Variants in USP34 observed in about 807,000 individuals in gnomAD.
The protein encoded by USP34 is ubiquitin carboxyl-terminal hydrolase 34.
Under a neutral mutation model 460.3 loss-of-function variants are expected in USP34, and 70 were observed. The ratio of observed to expected loss-of-function variants is 0.15; its 90% CI spans 0.13 to 0.19. The LOEUF (loss-of-function observed/expected upper bound fraction) is 0.19. Among genes scored for constraint, USP34 ranks in the 10% least tolerant of loss-of-function variants. The probability of loss-of-function intolerance (pLI) is 1.00; values close to 1 mark genes in which losing one functional copy is unlikely to be tolerated. For missense variants in USP34, 3,985 were observed against 4,236.2 expected, an observed-to-expected ratio of 0.94 and a Z score of 1.65; for synonymous variants, 1,647 against 1,405.3, an observed-to-expected ratio of 1.17 and a Z score of -3.85.
At chr2:61,273,236 C>A (rs1468763547) in intron 41 of USP34, among the ~76,000 whole-genome samples, 2 of 152,118 alleles carry the variant, frequency 1.3e-5, no homozygotes, top group African/African-American at 4.8e-5. Flanking sequence ...ATAAATACAA[C>A]AAATCATACT....
chr2:61,243,314 T>C (rs1558486864), intron 51 of USP34, among the ~76,000 whole-genome samples: 1 of 151,994 alleles, frequency 6.6e-6, no homozygotes, highest in African/African-American at 2.4e-5. Context: ...GCCCGGCTAA[T>C]TTTTACATTT....
chr2:61,350,452 C>T lies in USP34; in HGVS notation c.1378-63G>A, dbSNP rs1558543772. On this transcript the variant is annotated intron_variant, in intron 11 of 79. Coordinates refer to ENST00000398571, the MANE Select transcript of USP34 (RefSeq NM_014709.4). ...CAGGCAACACTAACAAATTTAATAT[C>T]CTTTTTGTCAAACTGAAATGCCAAG... 3.8e-6 allele frequency: 6 copies of T among 1,571,258 alleles called. No homozygotes were observed. In the Admixed American group the frequency reaches 7.7e-5, roughly 20 times the overall value.
Position 61,360,293 on chromosome 2 carries a change from C to T in USP34, c.1252-9600G>A, listed in dbSNP as rs567078028. ...AAATGATCATATATATGTAGAAAAACCTTACAACTCCACAACAACAGAAAA... is the reference window on the plus strand; with the variant it reads ...AAATGATCATATATATGTAGAAAAATCTTACAACTCCACAACAACAGAAAA... On this transcript the variant is annotated intron_variant, in intron 10 of 79. Coordinates refer to ENST00000398571, the MANE Select transcript of USP34 (RefSeq NM_014709.4). Among the ~76,000 whole-genome samples the T allele has an allele frequency of 2.6e-5, 4 of 152,008 alleles. No individual in the cohort carries two copies. The East Asian group carries it at 5.8e-4, about 22-fold the overall frequency.
chr2:61,450,288 T>C (rs1256053696), intron 1 of USP34, among the ~76,000 whole-genome samples: 3 of 152,154 alleles, frequency 2.0e-5, no homozygotes, highest in Admixed American at 6.6e-5. Flanking sequence ...AAATGGGAAG[T>C]AGCTTAGGGT....
At chr2:61,470,396 G>C (rs192809948) in intron 1 of USP34, among the ~76,000 whole-genome samples, 2 of 151,724 alleles carry the variant, frequency 1.3e-5, no homozygotes, top group African/African-American at 4.8e-5. Flanking sequence ...AACTTTCCGA[G>C]AGCCCAGAGC....
intron 44 of USP34, 146 bp downstream of exon 44, chr2:61,259,565 T>A (rs1022961851): frequency 3.5e-6 from 2 of 577,832 alleles, no homozygotes; most frequent in African/African-American, 1.9e-5. Context: ...TTTTTTTTTT[T>A]AGTAGAGATG....
chr2:61,462,101 T>C (rs1164010711), intron 1 of USP34, among the ~76,000 whole-genome samples: 1 of 151,554 alleles, frequency 6.6e-6, no homozygotes, highest in Non-Finnish European at 1.5e-5. Flanking sequence ...TAGTCAGGCA[T>C]GGTGGCAGTT....
chr2:61,296,959 A>G (rs1395126153), intron 29 of USP34, 34 bp from the exon 30 acceptor site: 1 of 1,561,250 alleles, frequency 6.4e-7, no homozygotes, highest in East Asian at 2.3e-5. Flanking sequence ...TTATCAAAAC[A>G]GATCAGAAAA....
chr2:61,245,195 C>G lies in USP34; in HGVS notation c.6627+15G>C. 6.2e-7 allele frequency: 1 copy of G among 1,601,324 alleles called. No individual in the cohort carries two copies. Among genetic ancestry groups the G allele is most frequent in the Non-Finnish European group, 8.5e-7 (1 of 1,170,328 alleles). ...GAAGGACACAAACCATTTATAATTT[C>G]TGAATAAAACTTACCGTCATCTCTC... On this transcript the variant is annotated intron_variant, in intron 51 of 79. Transcript: ENST00000398571.
chr2:61,407,468 A>G (rs1693911265), intron 2 of USP34, among the ~76,000 whole-genome samples: 1 of 152,234 alleles, frequency 6.6e-6, no homozygotes, highest in African/African-American at 2.4e-5. Context: ...ACTATAATTT[A>G]TAATCTGCAC....
At chr2:61,213,051 G>C (rs1687313167) in intron 68 of USP34, among the ~76,000 whole-genome samples, 1 of 152,110 alleles carries the variant, frequency 6.6e-6, no homozygotes, top group South Asian at 2.1e-4. Flanking sequence ...TTTTGAGACA[G>C]AGTCTTGCTT....
intron 75 of USP34, among the ~76,000 whole-genome samples, chr2:61,198,289 T>G (rs1686867197): frequency 2.0e-5 from 3 of 152,248 alleles, no homozygotes; most frequent in Non-Finnish European, 4.4e-5. Context: ...ATTTTTACAT[T>G]TTTATGTAAT....
At chr2:61,351,101 C>G (rs950438307) in intron 10 of USP34, among the ~76,000 whole-genome samples, 2 of 152,114 alleles carry the variant, frequency 1.3e-5, no homozygotes, top group African/African-American at 4.8e-5. Context: ...GAGGTGCACA[C>G]CTGTGGTCCC....
chr2:61,245,286 T>A lies in USP34; in HGVS notation c.6551A>T (p.Tyr2184Phe). The change falls in exon 51 of 80, where the codon TAT (tyrosine) becomes TTT (phenylalanine). Residue 2184 changes from tyrosine to phenylalanine, a missense_variant and splice_region_variant. This residue lies in a region of USP34 where 70 missense variants were observed against 78.1 expected (regional missense o/e 0.90). Coordinates refer to ENST00000398571, the MANE Select transcript of USP34 (RefSeq NM_014709.4). ...NPHAYKNNKW[Y>F]LFNDAEVKPF... ...TTTTACCTCAGCATCATTAAAAAGA[T>A]ACCTAAAATAGAGCATATAGTATTA... 6.3e-7 allele frequency: 1 copy of A among 1,598,554 alleles called. No homozygotes were observed. Among genetic ancestry groups the A allele is most frequent in the Non-Finnish European group, 8.6e-7 (1 of 1,169,436 alleles).
intron 29 of USP34, 45 bp from the exon 30 acceptor site, chr2:61,296,970 G>GA: frequency 6.5e-7 from 1 of 1,545,486 alleles, no homozygotes; most frequent in Non-Finnish European, 8.7e-7. Context: ...GATCAGAAAA[G>GA]AAAAAGTTTT....
At chr2:61,394,533 CAAAAAAAAAAAAAAAA>C (rs200686763) in intron 5 of USP34, among the ~76,000 whole-genome samples, 2 of 110,062 alleles carry the variant, frequency 1.8e-5, no homozygotes, top group South Asian at 2.8e-4. Context: ...CCCTCTCTCT[CAAAAAAAAAAAAAAAA>C]AAAAAAAAAT....
intron 16 of USP34, among the ~76,000 whole-genome samples, chr2:61,341,044 C>A (rs1184133649): frequency 6.6e-6 from 1 of 152,140 alleles, no homozygotes; most frequent in Admixed American, 6.5e-5. Flanking sequence ...TCTTTCCTTA[C>A]AAATTACTTT....
intron 8 of USP34, among the ~76,000 whole-genome samples, chr2:61,372,867 A>G (rs1692673079): frequency 1.3e-5 from 2 of 152,140 alleles, no homozygotes; most frequent in Non-Finnish European, 2.9e-5. Flanking sequence ...CAATACCCCA[A>G]ACTTCCCAAA....
Position 61,189,850 on chromosome 2 carries a change from T to C in USP34, c.9873+421A>G, listed in dbSNP as rs72811437. 1,060 of 155,132 alleles carry C rather than the reference T, an allele frequency of 6.8e-3. 8 individuals are homozygous for C. Among genetic ancestry groups the C allele is most frequent in the Admixed American group, 0.011 (171 of 15,424 alleles). 9.6% of individuals were successfully genotyped at this position (155,132 alleles called of 1,614,324 possible). On this transcript the variant is annotated intron_variant, in intron 78 of 79. Coordinates refer to ENST00000398571, the MANE Select transcript of USP34 (RefSeq NM_014709.4). ...CTAGCCCATTTCCAGAGTGTTCCAT[T>C]ATTCTAGGACATGGCTGTCATGGGA...
Sources: allele counts gnomAD v4.1 joint callset (sites outside exome capture counted in the v4.1 genomes callset), GRCh38; gene constraint gnomAD v4.1.1; regional missense constraint gnomAD v4.1.1; transcripts MANE v1.5; gene names NCBI Gene and HGNC (gene_info 2026-07-23, HGNC 2026-07-21).